The following PSD4 variants were observed in gnomAD, a reference collection of about 807,000 sequenced individuals.
PSD4 encodes PH and SEC7 domain-containing protein 4.
In PSD4, 59 loss-of-function variants were observed where a neutral mutation model predicts 112.5. The ratio of observed to expected loss-of-function variants is 0.52; its 90% CI spans 0.43 to 0.65. PSD4 has a LOEUF of 0.65. PSD4 is among the 30% of genes least tolerant of loss of function. The pLI, the probability that PSD4 is intolerant of heterozygous loss-of-function variation, is 0.00. For synonymous variants in PSD4, 533 were observed against 540.0 expected, an observed-to-expected ratio of 0.99 and a Z score of 0.18; for missense variants, 1,267 against 1,352.6, an observed-to-expected ratio of 0.94 and a Z score of 0.99.
intron 6 of PSD4, 95 bp downstream of exon 6, chr2:113,192,684 T>TC: frequency 1.4e-5 from 19 of 1,312,982 alleles, no homozygotes; most frequent in Non-Finnish European, 2.0e-5. Flanking sequence ...CCCCTTCCCG[T>TC]CCCTGCCCTG....
intron 2 of PSD4, 123 bp downstream of exon 2, chr2:113,183,635 A>T: frequency 2.2e-6 from 2 of 922,762 alleles, no homozygotes; most frequent in Non-Finnish European, 3.2e-6. Flanking sequence ...GATAACCTGC[A>T]TCAGTATATA....
At position 113,201,796 on chromosome 2, in the gene PSD4, T is replaced by A. The variant is rs1456603705; in HGVS notation, c.*381T>A. Reference sequence around the variant, plus strand: ...ACTTGTTTGAGAACCAGTGCTTATGTGGTGTGCCCTTGGCTTCTGGGGGAG... The same window carrying A: ...ACTTGTTTGAGAACCAGTGCTTATGAGGTGTGCCCTTGGCTTCTGGGGGAG... On this transcript the variant is annotated 3_prime_UTR_variant, in exon 17 of 17. Transcript: ENST00000245796. The A allele has an allele frequency of 4.5e-6, 1 of 223,112 alleles. No homozygotes were observed. Among genetic ancestry groups the A allele is most frequent in the African/African-American group, 2.3e-5 (1 of 43,744 alleles). The allele number at this position is 223,112 out of a possible 1,614,324, so 13.8% of individuals were successfully genotyped here.
Position 113,193,319 on chromosome 2 carries a change from C to A in PSD4, c.1981C>A (p.Gln661Lys), listed in dbSNP as rs778695698. Residue 661 changes from glutamine to lysine, a missense_variant, in exon 8 of 17, where the codon CAG becomes AAG. This residue lies in a region of PSD4 where 544 missense variants were observed against 648.6 expected (regional missense o/e 0.84). Coordinates refer to ENST00000245796, the MANE Select transcript of PSD4 (RefSeq NM_012455.3). ...ETQERERILYQFSRRFHHCNP... is the reference protein window; with the variant it reads ...ETQERERILYKFSRRFHHCNP... ...TCAGGAACGGGAGCGAATCCTCTAC[C>A]AGTTCTCCAGACGCTTCCACCATTG... The A allele has an allele frequency of 4.8e-5, 77 of 1,601,312 alleles. No individual in the cohort carries two copies. The highest frequency in any genetic ancestry group is 6.0e-5 in the Non-Finnish European group (70 of 1,176,154).
rs1221739830 is a variant in PSD4, at chr2:113,204,088, C to G, written c.*2673C>G. On this transcript the variant is annotated 3_prime_UTR_variant, in exon 17 of 17. Transcript: ENST00000245796. Reference sequence around the variant, plus strand: ...GTGGGCTGCAGTTATGACATGTGACCACTTGGAGGCAGGCTTGCATCTTTC... The same window carrying G: ...GTGGGCTGCAGTTATGACATGTGACGACTTGGAGGCAGGCTTGCATCTTTC... 1 of 152,264 alleles carries G rather than the reference C, an allele frequency of 6.6e-6. No individual in the cohort carries two copies. The highest frequency in any genetic ancestry group is 2.4e-5 in the African/African-American group (1 of 41,428). The allele number at this position is 152,264 out of a possible 1,614,324, so 9.4% of individuals were successfully genotyped here. A position where few individuals can be genotyped will look rare whatever the true frequency, so the allele number is the denominator to read the frequency against.
intron 2 of PSD4, among the ~76,000 whole-genome samples, chr2:113,183,751 A>G (rs1688217332): frequency 6.6e-6 from 1 of 152,200 alleles, no homozygotes; most frequent in Admixed American, 6.5e-5. Flanking sequence ...TTAAGTCCAT[A>G]AATGTCTCCA....
At chr2:113,185,757 G>A (rs775033223) in intron 4 of PSD4, 120 bp from the exon 5 acceptor site, 21 of 1,550,130 alleles carry the variant, frequency 1.4e-5, no homozygotes, top group Non-Finnish European at 1.6e-5. Flanking sequence ...CCCGAGGGAG[G>A]ACAGGGCATG....
chr2:113,192,686 C>T (rs1573369297), intron 6 of PSD4, 97 bp downstream of exon 6: 1 of 1,297,918 alleles, frequency 7.7e-7, no homozygotes, highest in African/African-American at 1.5e-5. Flanking sequence ...CCTTCCCGTC[C>T]CTGCCCTGTT....
chr2:113,192,374 C>G lies in PSD4; in HGVS notation c.1629-6C>G. The G allele has an allele frequency of 6.2e-7, 1 of 1,613,722 alleles. No homozygotes were observed. Among genetic ancestry groups the G allele is most frequent in the Non-Finnish European group, 8.5e-7 (1 of 1,179,634 alleles). On this transcript the variant is annotated splice_region_variant and splice_polypyrimidine_tract_variant and intron_variant, in intron 5 of 16. Transcript: ENST00000245796. ...TGACCCAGAGCTCCTGCATGTCTAT[C>G]TCAAGTGAGAATCTGAGGACACCGA...
Position 113,192,396 on chromosome 2 carries a change from C to A in PSD4, c.1645C>A (p.Pro549Thr). 2 of 1,614,156 alleles carry A rather than the reference C, an allele frequency of 1.2e-6. No homozygotes were observed. Among genetic ancestry groups the A allele is most frequent in the Non-Finnish European group, 1.7e-6 (2 of 1,180,006 alleles). ...TSAEHENLRTPMNSSWLPGSP... is the reference protein window; with the variant it reads ...TSAEHENLRTTMNSSWLPGSP... Reference sequence around the variant, plus strand: ...TATCTCAAGTGAGAATCTGAGGACACCGATGAACTCTTCTTGGCTTCCTGG... The same window carrying A: ...TATCTCAAGTGAGAATCTGAGGACAACGATGAACTCTTCTTGGCTTCCTGG... Residue 549 changes from proline (P) to threonine (T), a missense_variant, in exon 6 of 17, where the codon CCG (proline) becomes ACG (threonine). Pro to Thr is a conservative substitution (Grantham distance 38). Around this residue, in one of 2 missense-constraint regions of PSD4, gnomAD observed 723 missense variants for 704.0 expected, o/e 1.03. Transcript: ENST00000245796.
chr2:113,201,493 C>A lies in PSD4; in HGVS notation c.*78C>A. ...GAACCTCCCTGGAGGAGACTTATTT[C>A]AATGAGTCCACCATGACGGATGAGG... On this transcript the variant is annotated 3_prime_UTR_variant, in exon 17 of 17. Transcript: ENST00000245796. 2 of 1,542,552 alleles carry A rather than the reference C, an allele frequency of 1.3e-6. No homozygotes were observed. The highest frequency in any genetic ancestry group is 1.8e-6 in the Non-Finnish European group (2 of 1,135,862).
intron 2 of PSD4, among the ~76,000 whole-genome samples, chr2:113,184,381 T>C (rs937006706): frequency 1.4e-5 from 2 of 147,876 alleles, no homozygotes; most frequent in South Asian, 2.1e-4. Flanking sequence ...GACTTTCTTT[T>C]TTTTTTTTTT....
At chr2:113,176,529 C>T (rs770194214) in intron 1 of PSD4, among the ~76,000 whole-genome samples, 13 of 152,168 alleles carry the variant, frequency 8.5e-5, no homozygotes, top group African/African-American at 1.2e-4. Context: ...TTCCCCACCT[C>T]GGCTCCCTCC....
At chr2:113,197,416 T>A in intron 12 of PSD4, 148 bp from the exon 13 acceptor site, 1 of 793,124 alleles carries the variant, frequency 1.3e-6, no homozygotes. Context: ...TGTTTTCTTG[T>A]GTTGGCATGT....
At position 113,200,202 on chromosome 2, in the gene PSD4, C is replaced by T. The variant is rs192933668; in HGVS notation, c.2914-956C>T. 2.6e-4 allele frequency among the ~76,000 whole-genome samples: 40 copies of T among 152,310 alleles called. 2 individuals carry two copies. Among genetic ancestry groups the T allele is most frequent in the African/African-American group, 9.1e-4 (38 of 41,562 alleles). On this transcript the variant is annotated intron_variant, in intron 16 of 16. Transcript: ENST00000245796. Reference sequence around the variant, plus strand: ...TCTCCCCCAACCCTCACCCATCCACCCACACTCCCCAATTCTGCTTTGGTG... The same window carrying T: ...TCTCCCCCAACCCTCACCCATCCACTCACACTCCCCAATTCTGCTTTGGTG...
chr2:113,186,127 A>C lies in PSD4; in HGVS notation c.1500A>C (p.Pro500=), dbSNP rs1422975912. The stretch of plus-strand genomic sequence containing the variant: ...TCTTGGAGACGGATGGGGAACAGCC[A>C]AGTTCCTTGAAGAAAAAGGAGGCAG... ...SSLLETDGEQ[P]SSLKKKEAGE... Residue 500 remains proline (P), a synonymous_variant, in exon 5 of 17, where the codon CCA becomes CCC. Transcript: ENST00000245796. 1 of 1,614,110 alleles carries C rather than the reference A, an allele frequency of 6.2e-7. No homozygotes were observed. The highest frequency in any genetic ancestry group is 8.5e-7 in the Non-Finnish European group (1 of 1,180,054).
intron 1 of PSD4, among the ~76,000 whole-genome samples, chr2:113,179,774 A>T (rs1688079287): frequency 6.6e-6 from 1 of 152,188 alleles, no homozygotes; most frequent in African/African-American, 2.4e-5. Context: ...CAAGTACAAG[A>T]TTAAACATAA....
chr2:113,185,591 C>T, intron 4 of PSD4, 151 bp downstream of exon 4: 1 of 1,556,300 alleles, frequency 6.4e-7, no homozygotes, highest in East Asian at 2.4e-5. Context: ...TAAATCCTGC[C>T]TCTTTAAAAT....
chr2:113,180,579 TG>T (rs918690040), intron 1 of PSD4, among the ~76,000 whole-genome samples: 27 of 152,088 alleles, frequency 1.8e-4, no homozygotes, highest in Non-Finnish European at 5.9e-5. Flanking sequence ...GACCGGAAGG[TG>T]GATGGTCTGG....
intron 5 of PSD4, among the ~76,000 whole-genome samples, chr2:113,187,118 G>C (rs1228782003): frequency 1.3e-5 from 2 of 152,222 alleles, no homozygotes; most frequent in Non-Finnish European, 2.9e-5. Context: ...CAGCCAGACT[G>C]ACTTAGCCTG....
Sources: allele counts gnomAD v4.1 joint callset (sites outside exome capture counted in the v4.1 genomes callset), GRCh38; gene constraint gnomAD v4.1.1; regional missense constraint gnomAD v4.1.1; transcripts MANE v1.5; gene names NCBI Gene and HGNC (gene_info 2026-07-23, HGNC 2026-07-21).